Variants in HSD11B1 observed in about 807,000 individuals in gnomAD.
The protein encoded by HSD11B1 is 11-beta-hydroxysteroid dehydrogenase 1.
In HSD11B1, 15 loss-of-function variants were observed where a neutral mutation model predicts 22.1. That is an observed-to-expected ratio of 0.68 (90% CI 0.45 to 1.04). HSD11B1 has a LOEUF of 1.04. HSD11B1 is among the 50% of genes least tolerant of loss of function. The probability of loss-of-function intolerance (pLI) is 0.00; values close to 1 mark genes in which losing one functional copy is unlikely to be tolerated. For missense variants in HSD11B1, 281 were observed against 357.6 expected, an observed-to-expected ratio of 0.79 and a Z score of 1.73; for synonymous variants, 122 against 125.2, an observed-to-expected ratio of 0.97 and a Z score of 0.17.
intron 4 of HSD11B1, 80 bp downstream of exon 4, chr1:209,707,208 T>G: frequency 8.4e-7 from 1 of 1,187,132 alleles, no homozygotes; most frequent in South Asian, 1.2e-5. Context: ...GAAGTAGACA[T>G]AAATTTTTAT....
intron 4 of HSD11B1, among the ~76,000 whole-genome samples, chr1:209,708,815 T>C (rs533097230): frequency 4.7e-4 from 71 of 152,190 alleles, no homozygotes; most frequent in Non-Finnish European, 6.9e-4. Flanking sequence ...ATTCTGATAA[T>C]CTCTGTTTCC....
intron 4 of HSD11B1, among the ~76,000 whole-genome samples, chr1:209,721,837 C>T (rs573721952): frequency 1.2e-4 from 18 of 152,304 alleles, no homozygotes; most frequent in African/African-American, 4.3e-4. Context: ...TGTTCTCAAG[C>T]AAGGGCACTT....
At chr1:209,717,080 C>T (rs542465466) in intron 4 of HSD11B1, among the ~76,000 whole-genome samples, 1 of 152,162 alleles carries the variant, frequency 6.6e-6, no homozygotes, top group South Asian at 2.1e-4. Context: ...AAACCTTCAG[C>T]ATAGAAAAGG....
At chr1:209,723,600 A>G (rs2076981796) in intron 4 of HSD11B1, among the ~76,000 whole-genome samples, 2 of 152,238 alleles carry the variant, frequency 1.3e-5, no homozygotes, top group Non-Finnish European at 2.9e-5. Context: ...CCAAATAGGT[A>G]AGATGTCTAG....
At chr1:209,716,252 C>T (rs557333887) in intron 4 of HSD11B1, among the ~76,000 whole-genome samples, 1 of 150,950 alleles carries the variant, frequency 6.6e-6, no homozygotes, top group East Asian at 2.0e-4. Context: ...TATACAAAAT[C>T]AACATACAAA....
intron 4 of HSD11B1, among the ~76,000 whole-genome samples, chr1:209,709,251 T>C (rs1000130845): frequency 2.0e-5 from 3 of 152,232 alleles, no homozygotes; most frequent in African/African-American, 7.2e-5. Context: ...TTCTGGGTAT[T>C]GCATTACATG....
At chr1:209,692,592 C>A (rs1289205183) in intron 1 of HSD11B1, among the ~76,000 whole-genome samples, 1 of 67,116 alleles carries the variant, frequency 1.5e-5, no homozygotes, top group Non-Finnish European at 2.7e-5. Flanking sequence ...ATCAAGGAAT[C>A]GGGTATTAAA....
chr1:209,689,489 G>C (rs1343065602), intron 1 of HSD11B1, among the ~76,000 whole-genome samples: 1 of 152,206 alleles, frequency 6.6e-6, no homozygotes, highest in Admixed American at 6.5e-5. Context: ...TCCCCTCCAA[G>C]TTGCATGTTG....
chr1:209,704,456 G>C (rs1395360598), upstream of HSD11B1, among the ~76,000 whole-genome samples: 1 of 151,548 alleles, frequency 6.6e-6, no homozygotes, highest in African/African-American at 2.4e-5. Context: ...CACTGGGTGG[G>C]GGGGTAGGGG....
intron 1 of HSD11B1, among the ~76,000 whole-genome samples, chr1:209,697,138 C>G (rs1296157626): frequency 2.6e-5 from 4 of 152,222 alleles, no homozygotes; most frequent in Non-Finnish European, 5.9e-5. Flanking sequence ...CTGCTTGCCT[C>G]TCCAGGCTTC....
intron 1 of HSD11B1, among the ~76,000 whole-genome samples, chr1:209,686,655 T>C (rs1342658680): frequency 1.6e-5 from 1 of 62,656 alleles, no homozygotes; most frequent in East Asian, 3.2e-4. Flanking sequence ...ACAGCAAGAA[T>C]TATAGAAATG....
At chr1:209,692,005 C>A (rs2076762240) in intron 1 of HSD11B1, among the ~76,000 whole-genome samples, 1 of 151,504 alleles carries the variant, frequency 6.6e-6, no homozygotes, top group African/African-American at 2.4e-5. Context: ...TAGTTGTAAA[C>A]CTTTTGTACT....
chr1:209,711,399 T>G (rs568457176), intron 4 of HSD11B1, among the ~76,000 whole-genome samples: 1 of 152,334 alleles, frequency 6.6e-6, no homozygotes, highest in Non-Finnish European at 1.5e-5. Flanking sequence ...AGGGGCAATT[T>G]ATCCCTTGCC....
chr1:209,701,584 C>T (rs77955175), upstream of HSD11B1, among the ~76,000 whole-genome samples: 2,095 of 152,320 alleles, frequency 0.014, 66 homozygotes, highest in African/African-American at 0.048. Flanking sequence ...GGCAGAACCT[C>T]TGAACACAGT....
chr1:209,702,145 G>T (rs1402695037), upstream of HSD11B1, among the ~76,000 whole-genome samples: 1 of 152,234 alleles, frequency 6.6e-6, no homozygotes, highest in African/African-American at 2.4e-5. Flanking sequence ...AGCTGAAACA[G>T]TTGTATTTCA....
intron 4 of HSD11B1, among the ~76,000 whole-genome samples, chr1:209,707,443 T>G (rs1159693032): frequency 6.6e-6 from 1 of 151,072 alleles, no homozygotes; most frequent in East Asian, 2.0e-4. Context: ...GAAATGTTCA[T>G]AGTAATATTA....
At chr1:209,705,723 T>G (rs2076854237) in intron 1 of HSD11B1, 88 bp from the exon 2 acceptor site, 2 of 1,522,520 alleles carry the variant, frequency 1.3e-6, no homozygotes, top group Non-Finnish European at 1.8e-6. Flanking sequence ...AGTTACAAAT[T>G]GCGATAAGCA....
intron 4 of HSD11B1, among the ~76,000 whole-genome samples, chr1:209,726,614 T>G (rs937318381): frequency 1.3e-5 from 2 of 152,162 alleles, no homozygotes; most frequent in Non-Finnish European, 2.9e-5. Context: ...AAAACTTTTT[T>G]AAACCATACA....
intron 1 of HSD11B1, among the ~76,000 whole-genome samples, chr1:209,688,938 G>A (rs1316653895): frequency 1.3e-5 from 2 of 152,208 alleles, no homozygotes; most frequent in Non-Finnish European, 2.9e-5. Context: ...GACTGCTGGA[G>A]TCTGAGTGCT....
Sources: gnomAD v4.1 joint callset for allele counts (sites outside exome capture counted in the v4.1 genomes callset) on GRCh38, gnomAD v4.1.1 for gene constraint, MANE v1.5 for transcripts, NCBI Gene and HGNC (gene_info 2026-07-23, HGNC 2026-07-21) for gene names.